The following RAD21 variants were observed in gnomAD, a reference collection of about 807,000 sequenced individuals.
RAD21 encodes RAD21 cohesin complex component.
Under a neutral mutation model 71.5 loss-of-function variants are expected in RAD21, and 18 were observed. The observed-to-expected ratio is 0.25, with a 90% CI of 0.17 to 0.37. The LOEUF is 0.37. Among genes scored for constraint, RAD21 ranks in the 10% least tolerant of loss-of-function variants. The probability of loss-of-function intolerance (pLI) is 1.00; values close to 1 mark genes in which losing one functional copy is unlikely to be tolerated. For missense variants in RAD21, 493 were observed against 769.1 expected, an observed-to-expected ratio of 0.64 and a Z score of 4.25; for synonymous variants, 248 against 254.0, an observed-to-expected ratio of 0.98 and a Z score of 0.22.
intron 2 of RAD21, among the ~76,000 whole-genome samples, chr8:116,864,728 T>C (rs1812657837): frequency 6.6e-6 from 1 of 152,144 alleles, no homozygotes; most frequent in South Asian, 2.1e-4. Context: ...CTAGCAACTT[T>C]CAAAAAGTGG....
At chr8:116,872,406 T>A (rs866313338) in intron 1 of RAD21, among the ~76,000 whole-genome samples, 5 of 152,142 alleles carry the variant, frequency 3.3e-5, no homozygotes, top group African/African-American at 1.2e-4. Flanking sequence ...CTCTATATAT[T>A]TACGAGTTCT....
chr8:116,873,206 T>A (rs1182367773), intron 1 of RAD21, among the ~76,000 whole-genome samples: 1 of 152,214 alleles, frequency 6.6e-6, no homozygotes, highest in Non-Finnish European at 1.5e-5. Context: ...AAGCGTTTCT[T>A]AGAATTTGTA....
At chr8:116,870,697 C>A (rs927496987) in intron 1 of RAD21, among the ~76,000 whole-genome samples, 1 of 152,192 alleles carries the variant, frequency 6.6e-6, no homozygotes, top group Non-Finnish European at 1.5e-5. Context: ...CCAAGTTCCA[C>A]TATGGAAGCA....
chr8:116,864,846 T>C (rs1201756788), intron 2 of RAD21, among the ~76,000 whole-genome samples: 1 of 152,078 alleles, frequency 6.6e-6, no homozygotes, highest in East Asian at 1.9e-4. Context: ...TGTTAAAGTG[T>C]AAACATAAAT....
chr8:116,856,566 T>C (rs1377677002), intron 7 of RAD21, 80 bp downstream of exon 7: 1 of 1,407,620 alleles, frequency 7.1e-7, no homozygotes, highest in South Asian at 1.6e-5. Context: ...CTACAACTTT[T>C]AGTTTGTCAT....
intron 1 of RAD21, 138 bp downstream of exon 1, chr8:116,874,473 G>A (rs992668359): frequency 3.3e-5 from 7 of 213,556 alleles, no homozygotes; most frequent in African/African-American, 1.4e-4. Flanking sequence ...GAGGGTGGCA[G>A]CACGCGTGGG....
intron 12 of RAD21, among the ~76,000 whole-genome samples, chr8:116,849,767 G>A (rs1000168320): frequency 2.0e-5 from 3 of 152,032 alleles, no homozygotes; most frequent in Admixed American, 2.0e-4. Flanking sequence ...CTCACACATA[G>A]GTAGAAGTGG....
rs758626942 is a variant in RAD21 at position 116,866,721 on chromosome 8, G to A, written c.9C>T (p.Tyr3=). ...CTCTTTTACTGAGAACAAAATGTGCGTAGAACATTGTTCTGGCTGGCTATG... is the reference window on the plus strand; with the variant it reads ...CTCTTTTACTGAGAACAAAATGTGCATAGAACATTGTTCTGGCTGGCTATG... The part of the protein sequence containing the change: MF[Y]AHFVLSKRGP... Residue 3 remains tyrosine (Y), a synonymous_variant, in exon 2 of 14, where the codon TAC becomes TAT. Transcript: ENST00000297338. 1.9e-5 allele frequency: 31 copies of A among 1,608,826 alleles called. No individual in the cohort carries two copies. Among genetic ancestry groups the A allele is most frequent in the African/African-American group, 4.0e-5 (3 of 74,668 alleles).
intron 1 of RAD21, among the ~76,000 whole-genome samples, chr8:116,868,372 C>A (rs1812740610): frequency 6.6e-6 from 1 of 152,158 alleles, no homozygotes; most frequent in African/African-American, 2.4e-5. Flanking sequence ...GATTCATATA[C>A]CACCATATGC....
At chr8:116,857,155 C>G (rs920928943) in intron 6 of RAD21, 112 bp downstream of exon 6, 12 of 883,234 alleles carry the variant, frequency 1.4e-5, no homozygotes, top group Non-Finnish European at 2.1e-5. Context: ...TCACAATTCA[C>G]TCATATATAT....
intron 1 of RAD21, chr8:116,874,042 T>C (rs574067763): frequency 4.6e-5 from 7 of 152,364 alleles, no homozygotes; most frequent in African/African-American, 1.2e-4. Context: ...CAGCAGTCAC[T>C]GGCCGAGGGG....
At chr8:116,849,976 T>A (rs1470657547) in intron 12 of RAD21, among the ~76,000 whole-genome samples, 1 of 151,912 alleles carries the variant, frequency 6.6e-6, no homozygotes, top group African/African-American at 2.4e-5. Context: ...TCCGATAGAG[T>A]ATCAAACAGA....
chr8:116,853,518 T>C (rs931451815), intron 9 of RAD21, among the ~76,000 whole-genome samples: 1 of 152,216 alleles, frequency 6.6e-6, no homozygotes, highest in African/African-American at 2.4e-5. Flanking sequence ...TTCCACACTT[T>C]GAATTACTTC....
chr8:116,849,808 A>G (rs989112689), intron 12 of RAD21, among the ~76,000 whole-genome samples: 2 of 152,250 alleles, frequency 1.3e-5, no homozygotes, highest in African/African-American at 4.8e-5. Flanking sequence ...TTAAAATAAG[A>G]TATTCATATT....
intron 7 of RAD21, 52 bp downstream of exon 7, chr8:116,856,594 T>G: frequency 6.6e-7 from 1 of 1,516,318 alleles, no homozygotes; most frequent in Non-Finnish European, 8.9e-7. Flanking sequence ...GGTAAGTATC[T>G]TTCTGGATGC....
chr8:116,871,744 G>T (rs1485356326), intron 1 of RAD21, among the ~76,000 whole-genome samples: 1 of 152,134 alleles, frequency 6.6e-6, no homozygotes, highest in African/African-American at 2.4e-5. Flanking sequence ...TAAGCACTAC[G>T]TGTTTTATGT....
chr8:116,866,185 T>C (rs1269516363), intron 2 of RAD21, among the ~76,000 whole-genome samples: 1 of 151,998 alleles, frequency 6.6e-6, no homozygotes, highest in Non-Finnish European at 1.5e-5. Context: ...GCTGCAATCA[T>C]ATAATATGTA....
At chr8:116,852,293 G>T in intron 10 of RAD21, 197 bp from the exon 11 acceptor site, 1 of 644,568 alleles carries the variant, frequency 1.6e-6, no homozygotes, top group Non-Finnish European at 2.5e-6. Context: ...GATCTTAAAA[G>T]GACAAGTCCT....
chr8:116,852,949 G>T (rs74510799), intron 9 of RAD21, among the ~76,000 whole-genome samples: 1 of 151,972 alleles, frequency 6.6e-6, no homozygotes, highest in African/African-American at 2.4e-5. Flanking sequence ...AACCTTAAGG[G>T]CTTTTCTATT....
Sources: allele counts gnomAD v4.1 joint callset (sites outside exome capture counted in the v4.1 genomes callset), GRCh38; gene constraint gnomAD v4.1.1; transcripts MANE v1.5; gene names NCBI Gene and HGNC (gene_info 2026-07-23, HGNC 2026-07-21).